Variants in SNTG1 observed in about 807,000 individuals in gnomAD.
The protein encoded by SNTG1 is syntrophin gamma 1.
SNTG1 carries 39 observed loss-of-function variants against 74.7 expected under a neutral mutation model. That is an observed-to-expected ratio of 0.52 (90% confidence interval 0.40 to 0.68). SNTG1 has a LOEUF of 0.68. Among genes scored for constraint, SNTG1 ranks in the 30% least tolerant of loss-of-function variants. The probability of loss-of-function intolerance (pLI) is 0.00; values close to 1 mark genes in which losing one functional copy is unlikely to be tolerated. For missense variants in SNTG1, 685 were observed against 609.5 expected, an observed-to-expected ratio of 1.12 and a Z score of -1.30; for synonymous variants, 254 against 217.1, an observed-to-expected ratio of 1.17 and a Z score of -1.49.
intron 2 of SNTG1, among the ~76,000 whole-genome samples, chr8:50,258,796 C>T (rs1167736655): frequency 2.0e-5 from 3 of 151,894 alleles, no homozygotes; most frequent in Non-Finnish European, 4.4e-5. Flanking sequence ...TGTATGATGC[C>T]ATTAAATACA....
chr8:50,240,228 A>G (rs1414732310), intron 2 of SNTG1, among the ~76,000 whole-genome samples: 1 of 152,212 alleles, frequency 6.6e-6, no homozygotes, highest in Non-Finnish European at 1.5e-5. Context: ...TGCTCCTGAA[A>G]TGCAGGCAAG....
intron 2 of SNTG1, among the ~76,000 whole-genome samples, chr8:50,244,642 G>A (rs1044981820): frequency 1.3e-5 from 2 of 152,148 alleles, no homozygotes; most frequent in African/African-American, 4.8e-5. Flanking sequence ...TAGCTGTTCT[G>A]AACATAGGGA....
chr8:49,959,306 TCTTGATTAAATGTCATTGATAAATAGGA>T (rs1266115098), intron 1 of SNTG1, among the ~76,000 whole-genome samples: 5 of 152,182 alleles, frequency 3.3e-5, no homozygotes, highest in Non-Finnish European at 5.9e-5. Flanking sequence ...TTTCTGTTAT[TCTTGATTAAATGTCATTGATAAATAGGA>T]CTCCACTGAC....
At chr8:50,378,425 G>A (rs2092425951) in intron 2 of SNTG1, among the ~76,000 whole-genome samples, 1 of 152,210 alleles carries the variant, frequency 6.6e-6, no homozygotes, top group Non-Finnish European at 1.5e-5. Flanking sequence ...AACATGATGA[G>A]CAAGGGGCAT....
At chr8:50,607,903 TC>T (rs2094824145) in intron 13 of SNTG1, among the ~76,000 whole-genome samples, 1 of 151,762 alleles carries the variant, frequency 6.6e-6, no homozygotes, top group South Asian at 2.1e-4. Flanking sequence ...TGTTATACTT[TC>T]CCTTATAAAC....
intron 8 of SNTG1, among the ~76,000 whole-genome samples, chr8:50,461,944 T>C (rs956169762): frequency 1.3e-5 from 2 of 152,026 alleles, no homozygotes; most frequent in African/African-American, 4.8e-5. Flanking sequence ...GAAGGAAACA[T>C]GTGTATACAT....
chr8:50,248,991 G>A (rs1475642879), intron 2 of SNTG1, among the ~76,000 whole-genome samples: 1 of 152,118 alleles, frequency 6.6e-6, no homozygotes, highest in Admixed American at 6.6e-5. Context: ...AAATTCCTGT[G>A]GAGCATGGGA....
At chr8:50,394,131 C>A in intron 2 of SNTG1, 81 bp from the exon 3 acceptor site, 1 of 1,108,864 alleles carries the variant, frequency 9.0e-7, no homozygotes, top group Non-Finnish European at 1.3e-6. Flanking sequence ...AGTTCTGCTT[C>A]ACGATTTCCT....
chr8:50,400,628 G>A (rs979898825), intron 3 of SNTG1, among the ~76,000 whole-genome samples: 1 of 152,114 alleles, frequency 6.6e-6, no homozygotes, highest in South Asian at 2.1e-4. Flanking sequence ...CAGTGTGTAA[G>A]GGTTCACTTT....
chr8:50,773,716 A>G (rs73677517), intron 18 of SNTG1, among the ~76,000 whole-genome samples: 1 of 152,114 alleles, frequency 6.6e-6, no homozygotes. Context: ...CATTGAAAAC[A>G]TTCTCAAAAT....
chr8:50,666,568 C>T (rs62516843), intron 15 of SNTG1, among the ~76,000 whole-genome samples: 31,228 of 151,952 alleles, frequency 0.21, 3,292 homozygotes, highest in South Asian at 0.31. Flanking sequence ...TTCTTTAAAT[C>T]TGATTGTATT....
At chr8:50,214,230 G>A (rs1171344231) in intron 2 of SNTG1, among the ~76,000 whole-genome samples, 7 of 137,220 alleles carry the variant, frequency 5.1e-5, no homozygotes, top group Admixed American at 3.9e-4. Flanking sequence ...GACACAGGAA[G>A]GGGAACATCA....
At chr8:50,735,595 C>T (rs924376004) in intron 17 of SNTG1, among the ~76,000 whole-genome samples, 1 of 151,862 alleles carries the variant, frequency 6.6e-6, no homozygotes, top group Non-Finnish European at 1.5e-5. Flanking sequence ...AAGGAATGAT[C>T]GAAGCCTCCA....
At chr8:50,338,026 C>G (rs1402512194) in intron 2 of SNTG1, among the ~76,000 whole-genome samples, 1 of 151,984 alleles carries the variant, frequency 6.6e-6, no homozygotes, top group Non-Finnish European at 1.5e-5. Context: ...GTCCCAGCTA[C>G]TCAGGAGGCT....
At chr8:50,590,692 T>C (rs940176018) in intron 12 of SNTG1, among the ~76,000 whole-genome samples, 187 bp from the exon 13 acceptor site, 4 of 152,144 alleles carry the variant, frequency 2.6e-5, no homozygotes, top group African/African-American at 9.6e-5. Flanking sequence ...TGTGGGATAA[T>C]TTTGATAGCC....
chr8:50,546,684 C>T (rs990248148), intron 11 of SNTG1, among the ~76,000 whole-genome samples: 2 of 152,068 alleles, frequency 1.3e-5, no homozygotes, highest in African/African-American at 4.8e-5. Context: ...TTTCCATCTT[C>T]ATCCATGTCC....
At chr8:49,969,910 TA>T (rs1267415124) in intron 1 of SNTG1, among the ~76,000 whole-genome samples, 3 of 109,600 alleles carry the variant, frequency 2.7e-5, no homozygotes, top group Non-Finnish European at 5.6e-5. Flanking sequence ...GATGGTGGAA[TA>T]AAAAACCTGT....
intron 2 of SNTG1, among the ~76,000 whole-genome samples, chr8:50,287,372 C>G (rs2088843605): frequency 6.6e-6 from 1 of 152,146 alleles, no homozygotes; most frequent in Admixed American, 6.6e-5. Flanking sequence ...CTCAGATGAG[C>G]AGTCTGAAAG....
At chr8:50,381,786 A>G (rs2092490082) in intron 2 of SNTG1, 1 of 140,368 alleles carries the variant, frequency 7.1e-6, no homozygotes. Flanking sequence ...TATAGGATAT[A>G]TATATATATC....
Sources: gnomAD v4.1 joint callset for allele counts (sites outside exome capture counted in the v4.1 genomes callset) on GRCh38, gnomAD v4.1.1 for gene constraint, MANE v1.5 for transcripts, NCBI Gene and HGNC (gene_info 2026-07-23, HGNC 2026-07-21) for gene names.